Variants in CACNA1C observed in about 807,000 individuals in gnomAD.
CACNA1C encodes the protein calcium voltage-gated channel subunit alpha1 C.
CACNA1C carries 30 observed loss-of-function variants against 229.0 expected under a neutral mutation model. The ratio of observed to expected loss-of-function variants is 0.13; its 90% confidence interval spans 0.10 to 0.18. CACNA1C has a LOEUF of 0.18. Ranked by LOEUF, CACNA1C falls within the 10% of genes least tolerant of loss-of-function variation. CACNA1C has a pLI of 1.00. For missense variants in CACNA1C, 1,658 were observed against 2,845.0 expected, an observed-to-expected ratio of 0.58 and a Z score of 9.49; for synonymous variants, 1,114 against 1,132.5, an observed-to-expected ratio of 0.98 and a Z score of 0.33.
intron 3 of CACNA1C, among the ~76,000 whole-genome samples, chr12:2,309,102 TGGCA>T (rs2095274281): frequency 6.6e-6 from 1 of 152,338 alleles, no homozygotes; most frequent in Non-Finnish European, 1.5e-5. Context: ...GAGTGTTAGC[TGGCA>T]GATGAATAAA....
In CACNA1C at chr12:2,651,439, G is replaced by A; in HGVS notation, c.3946-201G>A. The A allele has an allele frequency of 3.0e-6, 2 of 672,178 alleles. No homozygotes were observed. Among genetic ancestry groups the A allele is most frequent in the Non-Finnish European group, 5.2e-6 (2 of 387,340 alleles). The allele number at this position is 672,178 out of a possible 1,614,324, so 41.6% of individuals were successfully genotyped here. A position where few individuals can be genotyped will look rare whatever the true frequency, so the allele number is the denominator to read the frequency against. ...AGCCCAGCGGCCTGGGCACAGTCTA[G>A]CTCTGCAGAGACCATGGGGCTGGGC... On this transcript the variant is annotated intron_variant, in intron 31 of 46. Coordinates refer to ENST00000399655, the MANE Select transcript of CACNA1C (RefSeq NM_000719.7). The surrounding 1 kb of genome is among the most constrained non-coding windows in gnomAD (Gnocchi z 5.4).
intron 1 of CACNA1C, chr12:2,004,524 C>T: frequency 6.7e-7 from 1 of 1,501,884 alleles, no homozygotes; most frequent in Non-Finnish European, 8.9e-7. Context: ...CGAGAACCCA[C>T]GGCGACCACA....
chr12:2,529,277 T>A (rs186549479), intron 9 of CACNA1C, among the ~76,000 whole-genome samples: 36 of 152,314 alleles, frequency 2.4e-4, no homozygotes, highest in African/African-American at 8.2e-4. Context: ...TCTTACCCGC[T>A]CCTTCATGCT....
chr12:2,330,600 T>C (rs2096514511), intron 3 of CACNA1C, among the ~76,000 whole-genome samples: 1 of 152,234 alleles, frequency 6.6e-6, no homozygotes, highest in African/African-American at 2.4e-5. Context: ...GCCAGGATGC[T>C]ATTTTTCCAA....
At chr12:2,407,121 C>T (rs959461880) in intron 3 of CACNA1C, among the ~76,000 whole-genome samples, 25 of 152,320 alleles carry the variant, frequency 1.6e-4, no homozygotes, top group African/African-American at 5.3e-4. Flanking sequence ...TCACCGACAC[C>T]GCAGCGAGGG....
At chr12:2,242,140 C>T (rs1469398157) in intron 3 of CACNA1C, among the ~76,000 whole-genome samples, 1 of 152,194 alleles carries the variant, frequency 6.6e-6, no homozygotes, top group Non-Finnish European at 1.5e-5. Context: ...TCAGTTTTCC[C>T]AGCCATACTT....
chr12:2,640,204 CG>C (rs940899013), intron 30 of CACNA1C, among the ~76,000 whole-genome samples: 1 of 152,208 alleles, frequency 6.6e-6, no homozygotes, highest in Non-Finnish European at 1.5e-5. Context: ...CAAGGCCACA[CG>C]GTGAATGGGA....
At chr12:2,494,783 C>T (rs1252355297) in intron 7 of CACNA1C, among the ~76,000 whole-genome samples, 1 of 152,216 alleles carries the variant, frequency 6.6e-6, no homozygotes, top group Non-Finnish European at 1.5e-5. Context: ...TCAGTTTTTA[C>T]ATGATAGTCA....
At chr12:2,279,985 T>A (rs1400594513) in intron 3 of CACNA1C, among the ~76,000 whole-genome samples, 1 of 152,266 alleles carries the variant, frequency 6.6e-6, no homozygotes, top group Admixed American at 6.5e-5. Flanking sequence ...CATATCTTTT[T>A]CTGTTCCTTT....
chr12:1,993,343 C>T (rs763737740), intron 1 of CACNA1C: 2 of 1,614,028 alleles, frequency 1.2e-6, no homozygotes, highest in Non-Finnish European at 1.7e-6. Context: ...TCCTATTTTC[C>T]ATGCTCAGCC....
At chr12:2,563,580 A>G (rs1009715838) in intron 11 of CACNA1C, among the ~76,000 whole-genome samples, 3 of 152,244 alleles carry the variant, frequency 2.0e-5, no homozygotes, top group African/African-American at 7.2e-5. Flanking sequence ...TCCTGAAGAA[A>G]GAGTACCCTT....
chr12:2,434,328 G>A (rs1234754621), intron 3 of CACNA1C, among the ~76,000 whole-genome samples: 2 of 152,166 alleles, frequency 1.3e-5, no homozygotes, highest in Admixed American at 1.3e-4. Flanking sequence ...AACCACTAGG[G>A]GTTGGGGAAA....
chr12:2,635,955 G>A lies in CACNA1C; in HGVS notation c.3912+1575G>A, dbSNP rs374779362. 3.8e-4 allele frequency among the ~76,000 whole-genome samples: 58 copies of A among 152,198 alleles called. No homozygotes were observed. In the East Asian group the frequency reaches 8.9e-3, roughly 23 times the overall value. On this transcript the variant is annotated intron_variant, in intron 30 of 46. Coordinates refer to ENST00000399655, the MANE Select transcript of CACNA1C (RefSeq NM_000719.7). ...TTTTTTAAAATTAGTCTTCCTACTC[G>A]TGCTCTGAGACTCCTCTCCCCTTTC... is the stretch of plus-strand genomic sequence containing the variant.
chr12:2,101,829 G>A (rs1456466298), intron 1 of CACNA1C, among the ~76,000 whole-genome samples: 2 of 151,846 alleles, frequency 1.3e-5, no homozygotes, highest in Admixed American at 6.6e-5. Flanking sequence ...GCTGCCTCCT[G>A]TGTTCTAGTT....
Position 2,605,064 on chromosome 12 carries a change from C to T in CACNA1C, c.2961-17C>T, listed in dbSNP as rs567293607. 6 of 1,601,160 alleles carry T rather than the reference C, an allele frequency of 3.7e-6. No individual in the cohort carries two copies. In the African/African-American group the frequency reaches 5.3e-5, roughly 14 times the overall value. On this transcript the variant is annotated splice_polypyrimidine_tract_variant and intron_variant, in intron 22 of 46. Transcript: ENST00000399655. This position sits in a 1 kb window ranked among gnomAD's most constrained non-coding sequence, Gnocchi z 6.2. ...AAACAGGAGGAGCTTACTACCCTGC[C>T]TGTTTCCCTCTCCCAGGTCCAGTGC...
Position 2,457,796 on chromosome 12 carries a change from A to C in CACNA1C, c.757+90A>C. ...ATTGCCAAGAACACTCTGCAAAGGG[A>C]CCTGATTCCATATAAATGGAGGGGT... On this transcript the variant is annotated intron_variant, in intron 5 of 46. Transcript: ENST00000399655. The C allele has an allele frequency of 2.6e-6, 3 of 1,154,388 alleles. No homozygotes were observed. In the South Asian group the frequency reaches 7.8e-5, roughly 30 times the overall value. 71.5% of individuals were successfully genotyped at this position (1,154,388 alleles called of 1,614,324 possible). A position where few individuals can be genotyped will look rare whatever the true frequency, so the allele number is the denominator to read the frequency against.
rs556842603 is a variant in CACNA1C at position 2,652,384 on chromosome 12, G to A, written c.4074+616G>A. Among the ~76,000 whole-genome samples the A allele has an allele frequency of 5.3e-5, 8 of 152,308 alleles. No homozygotes were observed. The South Asian group carries it at 8.3e-4, about 16-fold the overall frequency. The stretch of plus-strand genomic sequence containing the variant: ...AGTGACAATCAGCCCCTGCCAGCTC[G>A]GAGGAGTCTTTGTAGGTTTGAAGTT... On this transcript the variant is annotated intron_variant, in intron 32 of 46. Coordinates refer to ENST00000399655, the MANE Select transcript of CACNA1C (RefSeq NM_000719.7).
At chr12:2,109,649 C>A (rs193273652) in intron 1 of CACNA1C, among the ~76,000 whole-genome samples, 1 of 152,066 alleles carries the variant, frequency 6.6e-6, no homozygotes, top group Non-Finnish European at 1.5e-5. Flanking sequence ...GCCCAATTTA[C>A]GAGTTCTGTT....
intron 3 of CACNA1C, among the ~76,000 whole-genome samples, chr12:2,197,590 A>C (rs2097448603): frequency 6.6e-6 from 1 of 152,242 alleles, no homozygotes; most frequent in East Asian, 1.9e-4. Flanking sequence ...TAATATGTTC[A>C]GTGCAAGTAC....
Sources: allele counts gnomAD v4.1 joint callset (sites outside exome capture counted in the v4.1 genomes callset), GRCh38; gene constraint gnomAD v4.1.1; non-coding constraint Gnocchi (gnomAD v3.1); transcripts MANE v1.5; gene names NCBI Gene and HGNC (gene_info 2026-07-23, HGNC 2026-07-21).